Variants in SLC35F3 observed in about 807,000 individuals in gnomAD.
SLC35F3 encodes putative thiamine transporter SLC35F3.
SLC35F3 carries 25 observed loss-of-function variants against 49.9 expected under a neutral mutation model. The observed-to-expected ratio is 0.50, with a 90% CI of 0.37 to 0.70. SLC35F3 has a LOEUF of 0.70. SLC35F3 is among the 30% of genes least tolerant of loss of function. The pLI is 0.00. For synonymous variants in SLC35F3, 275 were observed against 265.4 expected (o/e 1.04, Z -0.35); for missense variants, 525 against 639.8 (o/e 0.82, Z 1.94).
intron 3 of SLC35F3, among the ~76,000 whole-genome samples, chr1:234,294,905 G>C (rs1015663660): frequency 2.6e-5 from 4 of 152,188 alleles, no homozygotes; most frequent in South Asian, 2.1e-4. Context: ...GGGTGCCTGG[G>C]GGGGGAACCC....
chr1:234,052,206 A>G (rs1664387712), intron 2 of SLC35F3, among the ~76,000 whole-genome samples: 1 of 152,202 alleles, frequency 6.6e-6, no homozygotes, highest in South Asian at 2.1e-4. Context: ...AAGTTTCAGA[A>G]GGAATGGTAC....
At position 234,110,427 on chromosome 1, in the gene SLC35F3, G is replaced by A. The variant is rs11587502; in HGVS notation, c.284-120990G>A. Reference sequence around the variant, plus strand: ...GAGCCAGGAAGGGATGGTGTCCTGCGGCAGAGGCCATTAAGATTTTGGTTC... The same window carrying A: ...GAGCCAGGAAGGGATGGTGTCCTGCAGCAGAGGCCATTAAGATTTTGGTTC... On this transcript the variant is annotated intron_variant, in intron 2 of 7. Coordinates refer to ENST00000366618, the MANE Select transcript of SLC35F3 (RefSeq NM_173508.4). 1.7e-3 allele frequency among the ~76,000 whole-genome samples: 254 copies of A among 152,336 alleles called. 1 individual carries two copies. Among genetic ancestry groups the A allele is most frequent in the Non-Finnish European group, 3.0e-3 (202 of 68,034 alleles).
At chr1:233,959,243 G>GTGTT (rs746765320) in intron 2 of SLC35F3, among the ~76,000 whole-genome samples, 5 of 95,948 alleles carry the variant, frequency 5.2e-5, no homozygotes, top group Non-Finnish European at 9.2e-5. Flanking sequence ...ACTGATTTAG[G>GTGTT]TGTTTTTTTT....
At chr1:234,201,145 T>C (rs1384363789) in intron 2 of SLC35F3, among the ~76,000 whole-genome samples, 1 of 152,210 alleles carries the variant, frequency 6.6e-6, no homozygotes, top group Non-Finnish European at 1.5e-5. Context: ...CATAACTGAA[T>C]TGGGCTCATG....
chr1:234,236,963 A>ATATATATATATG (rs1478910248), intron 3 of SLC35F3, among the ~76,000 whole-genome samples: 1 of 127,344 alleles, frequency 7.9e-6, no homozygotes, highest in Non-Finnish European at 1.6e-5. Context: ...ATATATATAT[A>ATATATATATATG]TGGAGGAAAT....
At chr1:234,052,551 G>A (rs529699819) in intron 2 of SLC35F3, among the ~76,000 whole-genome samples, 8 of 152,034 alleles carry the variant, frequency 5.3e-5, no homozygotes, top group South Asian at 2.1e-4. Context: ...AGTCTTACTA[G>A]CGTTCTTTCA....
chr1:234,073,645 A>G (rs1023377635), intron 2 of SLC35F3, among the ~76,000 whole-genome samples: 1 of 152,212 alleles, frequency 6.6e-6, no homozygotes, highest in Non-Finnish European at 1.5e-5. Context: ...AATTCTGTGA[A>G]TCAGATCAAT....
Position 234,182,250 on chromosome 1 carries a change from A to C in SLC35F3, c.284-49167A>C, listed in dbSNP as rs543656806. ...TCATTGGCCAGAGCAAGCTTCTAAAAGTTAGATCACTTCCTTTTGACCTGA... is the reference window on the plus strand; with the variant it reads ...TCATTGGCCAGAGCAAGCTTCTAAACGTTAGATCACTTCCTTTTGACCTGA... On this transcript the variant is annotated intron_variant, in intron 2 of 7. Transcript: ENST00000366618. Among the ~76,000 whole-genome samples the C allele has an allele frequency of 2.6e-5, 4 of 152,358 alleles. No homozygotes were observed. The East Asian group carries it at 5.8e-4, about 22-fold the overall frequency.
chr1:234,062,741 G>T (rs567321446), intron 2 of SLC35F3, among the ~76,000 whole-genome samples: 8 of 150,528 alleles, frequency 5.3e-5, no homozygotes, highest in Non-Finnish European at 5.9e-5. Context: ...GTACAGTGGC[G>T]CAATCTCCTT....
chr1:234,210,219 T>G (rs1389115529), intron 2 of SLC35F3, among the ~76,000 whole-genome samples: 1 of 152,206 alleles, frequency 6.6e-6, no homozygotes, highest in Non-Finnish European at 1.5e-5. Flanking sequence ...CCTCCCCAGC[T>G]ACATGGAAAT....
chr1:234,227,392 CTT>C (rs369277069), intron 2 of SLC35F3, among the ~76,000 whole-genome samples: 2,557 of 108,132 alleles, frequency 0.024, 19 homozygotes, highest in Middle Eastern at 0.086. Flanking sequence ...CTCTTTCTTT[CTT>C]TTTTTTTTTT....
chr1:234,012,044 A>G (rs898216784), intron 2 of SLC35F3, among the ~76,000 whole-genome samples: 1 of 152,184 alleles, frequency 6.6e-6, no homozygotes, highest in African/African-American at 2.4e-5. Flanking sequence ...GAGCAGGGTG[A>G]TAATAGGAAG....
intron 2 of SLC35F3, among the ~76,000 whole-genome samples, chr1:233,935,854 C>T (rs1290399799): frequency 6.6e-6 from 1 of 152,182 alleles, no homozygotes; most frequent in South Asian, 2.1e-4. Context: ...CCTTGTTACT[C>T]ATTGGTATGG....
At chr1:234,000,209 T>C (rs1358671154) in intron 2 of SLC35F3, among the ~76,000 whole-genome samples, 5 of 152,160 alleles carry the variant, frequency 3.3e-5, no homozygotes, top group African/African-American at 1.2e-4. Context: ...TTCCATTTCA[T>C]TGGTGAAAAA....
intron 2 of SLC35F3, among the ~76,000 whole-genome samples, chr1:233,908,178 C>CAA (rs11453869): frequency 2.7e-5 from 4 of 146,184 alleles, no homozygotes; most frequent in African/African-American, 5.1e-5. Context: ...ATGATGGTTA[C>CAA]AAAAAAAACA....
intron 2 of SLC35F3, among the ~76,000 whole-genome samples, chr1:233,937,870 G>A (rs1374995751): frequency 6.6e-6 from 1 of 152,140 alleles, no homozygotes; most frequent in Non-Finnish European, 1.5e-5. Flanking sequence ...TGGTGAGTGC[G>A]GGAGAGGGGT....
chr1:234,232,465 C>G (rs1572106464), intron 3 of SLC35F3, among the ~76,000 whole-genome samples: 1 of 124,516 alleles, frequency 8.0e-6, no homozygotes, highest in Non-Finnish European at 1.6e-5. Context: ...CGTGTTTCCC[C>G]AAAGTGGAGG....
chr1:234,251,849 A>G (rs1415638822), intron 3 of SLC35F3, among the ~76,000 whole-genome samples: 1 of 152,210 alleles, frequency 6.6e-6, no homozygotes, highest in Non-Finnish European at 1.5e-5. Flanking sequence ...AAGGAAAGAT[A>G]CATTACTTAG....
At chr1:234,082,910 T>A (rs1664902261) in intron 2 of SLC35F3, among the ~76,000 whole-genome samples, 1 of 152,146 alleles carries the variant, frequency 6.6e-6, no homozygotes, top group Non-Finnish European at 1.5e-5. Flanking sequence ...GGAGCTGCAA[T>A]TAAAGATGAG....
Sources: allele counts gnomAD v4.1 joint callset (sites outside exome capture counted in the v4.1 genomes callset), GRCh38; gene constraint gnomAD v4.1.1; transcripts MANE v1.5; gene names NCBI Gene and HGNC (gene_info 2026-07-23, HGNC 2026-07-21).